Variants in RNF180 observed in about 807,000 individuals in gnomAD.
RNF180 encodes ring finger protein 180, also known as E3 ubiquitin-protein ligase RNF180.
RNF180 carries 38 observed loss-of-function variants against 59.2 expected under a neutral mutation model. That is an observed-to-expected ratio of 0.64 (90% CI 0.50 to 0.84). RNF180 has a LOEUF of 0.84. RNF180 is among the 40% of genes least tolerant of loss of function. The probability of loss-of-function intolerance (pLI) is 0.00; values close to 1 mark genes in which losing one functional copy is unlikely to be tolerated. For missense variants in RNF180, 705 were observed against 700.9 expected (o/e 1.01, Z -0.07); for synonymous variants, 262 against 240.3 (o/e 1.09, Z -0.84).
At chr5:64,179,701 T>A (rs1212635198) in intron 1 of RNF180, among the ~76,000 whole-genome samples, 1 of 152,178 alleles carries the variant, frequency 6.6e-6, no homozygotes, top group East Asian at 1.9e-4. Context: ...TATTGCAAAG[T>A]GTTGCTAAAA....
At chr5:64,221,883 C>G (rs930323712) in intron 5 of RNF180, among the ~76,000 whole-genome samples, 2 of 152,156 alleles carry the variant, frequency 1.3e-5, no homozygotes, top group Admixed American at 1.3e-4. Flanking sequence ...TTGTTCATAT[C>G]TTACATTAGT....
intron 1 of RNF180, among the ~76,000 whole-genome samples, chr5:64,193,467 TA>T (rs953048362): frequency 2.6e-5 from 4 of 151,948 alleles, no homozygotes; most frequent in Non-Finnish European, 4.4e-5. Context: ...AAGCTTTTTT[TA>T]AAAAAAATTA....
At chr5:64,166,324 C>T (rs1273992137) in intron 1 of RNF180, 1 of 152,576 alleles carries the variant, frequency 6.6e-6, no homozygotes, top group Non-Finnish European at 1.5e-5. Flanking sequence ...GAACCCTCTC[C>T]AGGTCTGAGG....
intron 7 of RNF180, among the ~76,000 whole-genome samples, chr5:64,358,446 A>G (rs928489758): frequency 6.6e-6 from 1 of 151,822 alleles, no homozygotes; most frequent in Non-Finnish European, 1.5e-5. Flanking sequence ...TTTTACTCCA[A>G]TTTATTTGAA....
At chr5:64,338,702 G>A (rs1044949004) in intron 7 of RNF180, among the ~76,000 whole-genome samples, 3 of 151,384 alleles carry the variant, frequency 2.0e-5, no homozygotes, top group South Asian at 2.1e-4. Context: ...TGTATTCTTG[G>A]TAAGTACCCT....
At chr5:64,235,745 T>C (rs1461762500) in intron 5 of RNF180, among the ~76,000 whole-genome samples, 2 of 152,042 alleles carry the variant, frequency 1.3e-5, no homozygotes, top group Non-Finnish European at 2.9e-5. Flanking sequence ...ATTTCCCCCT[T>C]GCTGTTCTTA....
intron 5 of RNF180, among the ~76,000 whole-genome samples, chr5:64,235,763 G>A (rs1409662950): frequency 6.6e-6 from 1 of 152,072 alleles, no homozygotes; most frequent in Non-Finnish European, 1.5e-5. Flanking sequence ...TTATGATAGT[G>A]AGTGAGTTCT....
chr5:64,295,363 G>A (rs892544480), intron 5 of RNF180, among the ~76,000 whole-genome samples: 7 of 152,144 alleles, frequency 4.6e-5, no homozygotes, highest in Non-Finnish European at 7.4e-5. Context: ...GTTGGTTCTC[G>A]TGTGTGTGTA....
rs900486162 is a variant in RNF180 at position 64,372,264 on chromosome 5, C to T, written c.*2450C>T. On this transcript the variant is annotated 3_prime_UTR_variant, in exon 8 of 8. Coordinates refer to ENST00000389100, the MANE Select transcript of RNF180 (RefSeq NM_001113561.2). The stretch of plus-strand genomic sequence containing the variant: ...TTTTTTAATTTTAAAAAAGCAAATT[C>T]ACAAACCTAGACCCATTTATTTTAT... The T allele has an allele frequency of 6.6e-6, 1 of 151,644 alleles. No individual in the cohort carries two copies. The highest frequency in any genetic ancestry group is 6.6e-5 in the Admixed American group (1 of 15,162). The allele number at this position is 151,644 out of a possible 1,614,324, so 9.4% of individuals were successfully genotyped here. A position where few individuals can be genotyped will look rare whatever the true frequency, so the allele number is the denominator to read the frequency against.
intron 5 of RNF180, among the ~76,000 whole-genome samples, chr5:64,223,560 T>C (rs1741481634): frequency 6.9e-6 from 1 of 145,886 alleles, no homozygotes; most frequent in Admixed American, 6.9e-5. Context: ...GAGTCTCTGG[T>C]TAAATAACTT....
At chr5:64,254,215 A>G (rs1224447362) in intron 5 of RNF180, among the ~76,000 whole-genome samples, 1 of 152,304 alleles carries the variant, frequency 6.6e-6, no homozygotes, top group East Asian at 1.9e-4. Context: ...AAACCTTTCA[A>G]GTCCACCTTT....
chr5:64,282,897 T>G (rs777858367), intron 5 of RNF180, among the ~76,000 whole-genome samples: 1 of 152,184 alleles, frequency 6.6e-6, no homozygotes, highest in Non-Finnish European at 1.5e-5. Context: ...GTTTCTTCAA[T>G]TTGAGAATTG....
At chr5:64,253,792 A>G (rs1213374600) in intron 5 of RNF180, among the ~76,000 whole-genome samples, 1 of 152,156 alleles carries the variant, frequency 6.6e-6, no homozygotes, top group Non-Finnish European at 1.5e-5. Context: ...AAGGTCACCT[A>G]TAAAAGCTCT....
chr5:64,284,520 C>T (rs1208297570), intron 5 of RNF180, among the ~76,000 whole-genome samples: 1 of 152,202 alleles, frequency 6.6e-6, no homozygotes. Context: ...CATAATCCCA[C>T]ATATCTCAGA....
intron 6 of RNF180, among the ~76,000 whole-genome samples, chr5:64,326,104 A>G (rs1190800574): frequency 6.6e-6 from 1 of 152,164 alleles, no homozygotes; most frequent in Non-Finnish European, 1.5e-5. Context: ...AAGGAGCCAA[A>G]TGAGGATCTG....
intron 5 of RNF180, among the ~76,000 whole-genome samples, chr5:64,257,394 TGA>T (rs1309810274): frequency 6.6e-6 from 1 of 152,244 alleles, no homozygotes; most frequent in Admixed American, 6.5e-5. Flanking sequence ...CATAATTTAT[TGA>T]GAGTTTTTAG....
chr5:64,200,534 GACAAATGAAAAGCAGTAGAT>G (rs1432553109), intron 1 of RNF180, among the ~76,000 whole-genome samples: 3 of 152,132 alleles, frequency 2.0e-5, no homozygotes, highest in African/African-American at 7.2e-5. Context: ...TTTAGTGAGA[GACAAATGAAAAGCAGTAGAT>G]ACAAAACTTT....
At chr5:64,259,030 A>ATTGT (rs376996996) in intron 5 of RNF180, among the ~76,000 whole-genome samples, 102 of 152,144 alleles carry the variant, frequency 6.7e-4, no homozygotes, top group African/African-American at 1.8e-3. Context: ...ATGTGAGTAT[A>ATTGT]TTGTTTGTTT....
chr5:64,184,171 C>T (rs577098725), intron 1 of RNF180, among the ~76,000 whole-genome samples: 5 of 152,286 alleles, frequency 3.3e-5, no homozygotes, highest in African/African-American at 1.2e-4. Context: ...AGAAACCAAA[C>T]CTGCTGATGT....
Sources: allele counts gnomAD v4.1 joint callset (sites outside exome capture counted in the v4.1 genomes callset), GRCh38; gene constraint gnomAD v4.1.1; transcripts MANE v1.5; gene names NCBI Gene and HGNC (gene_info 2026-07-23, HGNC 2026-07-21).